ACTR3B: variants seen among roughly 807,000 people sequenced by gnomAD.
The protein encoded by ACTR3B is actin-related protein 3B.
In ACTR3B, 8 loss-of-function variants were observed where a neutral mutation model predicts 59.0. The ratio of observed to expected loss-of-function variants is 0.14; its 90% CI spans 0.08 to 0.24. The LOEUF is 0.24. ACTR3B is among the 10% of genes least tolerant of loss of function. ACTR3B has a pLI of 1.00. For missense variants in ACTR3B, 245 were observed against 552.3 expected, an observed-to-expected ratio of 0.44 and a Z score of 5.58; for synonymous variants, 148 against 197.9, an observed-to-expected ratio of 0.75 and a Z score of 2.12.
chr7:152,760,456 C>T (rs914341666), intron 1 of ACTR3B, among the ~76,000 whole-genome samples: 1 of 151,954 alleles, frequency 6.6e-6, no homozygotes, highest in Non-Finnish European at 1.5e-5. Context: ...GGATTCTTTA[C>T]CACCTACTTG....
chr7:152,824,718 G>A lies in ACTR3B; in HGVS notation c.859-312G>A, dbSNP rs1802795142. 1.3e-5 allele frequency among the ~76,000 whole-genome samples: 2 copies of A among 152,040 alleles called. No individual in the cohort carries two copies. Among genetic ancestry groups the A allele is most frequent in the Admixed American group, 1.3e-4 (2 of 15,278 alleles). On this transcript the variant is annotated intron_variant, in intron 8 of 11. Transcript: ENST00000256001. This position sits in a 1 kb window ranked among gnomAD's most constrained non-coding sequence, Gnocchi z 4.2. The stretch of plus-strand genomic sequence containing the variant: ...TCTCACTGCGTGTCACATAGATCGT[G>A]CACATACTCTCCACTGCTCTTAGTA...
At chr7:152,760,492 A>T (rs1446637743) in intron 1 of ACTR3B, among the ~76,000 whole-genome samples, 1 of 152,050 alleles carries the variant, frequency 6.6e-6, no homozygotes, top group African/African-American at 2.4e-5. Context: ...CGATCTCCCA[A>T]CTTGATACCA....
intron 10 of ACTR3B, among the ~76,000 whole-genome samples, chr7:152,852,758 C>T (rs1019516246): frequency 6.6e-6 from 1 of 152,092 alleles, no homozygotes; most frequent in African/African-American, 2.4e-5. Flanking sequence ...AGAGATCCCA[C>T]GAGTCCACTG....
At chr7:152,853,728 T>G in intron 11 of ACTR3B, 151 bp downstream of exon 11, 3 of 698,514 alleles carry the variant, frequency 4.3e-6, no homozygotes, top group Non-Finnish European at 6.9e-6. Flanking sequence ...ATCTTTTTTG[T>G]TTTTTCGAGA....
At chr7:152,827,063 C>T (rs572326319) in intron 9 of ACTR3B, among the ~76,000 whole-genome samples, 4,891 of 149,322 alleles carry the variant, frequency 0.033, 82 homozygotes, top group Middle Eastern at 0.1. Flanking sequence ...CTCACTGCAG[C>T]CTCGACCTCT....
At position 152,759,878 on chromosome 7, in the gene ACTR3B, C is replaced by A; in HGVS notation, c.-5C>A. ...CGGCGGGGCCGAGCGCCGCGCGTCC[C>A]GAGCATGGCAGGCTCCCTGCCTCCC... On this transcript the variant is annotated 5_prime_UTR_variant, in exon 1 of 12. Transcript: ENST00000256001. 2 of 1,335,538 alleles carry A rather than the reference C, an allele frequency of 1.5e-6. No homozygotes were observed. The highest frequency in any genetic ancestry group is 1.9e-6 in the Non-Finnish European group (2 of 1,033,996). 82.7% of individuals were successfully genotyped at this position (1,335,538 alleles called of 1,614,324 possible). A position where few individuals can be genotyped will look rare whatever the true frequency, so the allele number is the denominator to read the frequency against.
chr7:152,782,336 G>A (rs1359019049), intron 1 of ACTR3B, among the ~76,000 whole-genome samples: 1 of 151,670 alleles, frequency 6.6e-6, no homozygotes, highest in East Asian at 1.9e-4. Flanking sequence ...GAAAGGAAGC[G>A]CTGATGAGTC....
intron 9 of ACTR3B, among the ~76,000 whole-genome samples, chr7:152,828,834 A>G (rs1313929130): frequency 6.6e-6 from 1 of 152,034 alleles, no homozygotes; most frequent in African/African-American, 2.4e-5. Context: ...TGCTAGCCAC[A>G]TAGACCAACA....
At chr7:152,844,778 T>C (rs1169892400) in intron 9 of ACTR3B, among the ~76,000 whole-genome samples, 1 of 145,612 alleles carries the variant, frequency 6.9e-6, no homozygotes, top group East Asian at 2.1e-4. Context: ...AGAGCCCATG[T>C]ATGTCTTAAG....
Position 152,854,802 on chromosome 7 carries a change from C to T in ACTR3B, c.*249C>T, listed in dbSNP as rs369090329. 1.4e-5 allele frequency: 6 copies of T among 437,452 alleles called. No homozygotes were observed. The highest frequency in any genetic ancestry group is 7.8e-5 in the South Asian group (2 of 25,790). The allele number at this position is 437,452 out of a possible 1,614,324, so 27.1% of individuals were successfully genotyped here. The stretch of plus-strand genomic sequence containing the variant: ...CTCGCTCTCCCTCCTCCTCCTCCTC[C>T]GAGCTGCTAGCTGACAAATACAATT... On this transcript the variant is annotated 3_prime_UTR_variant, in exon 12 of 12. Coordinates refer to ENST00000256001, the MANE Select transcript of ACTR3B (RefSeq NM_020445.6). This position sits in a 1 kb window ranked among gnomAD's most constrained non-coding sequence, Gnocchi z 4.9.
At chr7:152,777,551 TTGA>T (rs1217501822) in intron 1 of ACTR3B, among the ~76,000 whole-genome samples, 1 of 152,238 alleles carries the variant, frequency 6.6e-6, no homozygotes, top group Non-Finnish European at 1.5e-5. Flanking sequence ...AGGGTAGTTG[TTGA>T]TTTCTGTCTA....
intron 9 of ACTR3B, among the ~76,000 whole-genome samples, chr7:152,828,447 C>T (rs553504797): frequency 3.9e-5 from 6 of 152,282 alleles, no homozygotes; most frequent in South Asian, 4.1e-4. Flanking sequence ...CGCTCCTGCT[C>T]GGTGCACTCC....
In ACTR3B at chr7:152,823,529, T is replaced by C; in HGVS notation, c.858+14T>C. The C allele has an allele frequency of 1.2e-6, 2 of 1,613,258 alleles. No homozygotes were observed. The highest frequency in any genetic ancestry group is 2.7e-5 in the African/African-American group (2 of 75,002). ...TTTCACCCGGAGGTGAGATGTTTCC[T>C]TTTTTGTGTGCTCAAGTGTGGGATG... On this transcript the variant is annotated intron_variant, in intron 8 of 11. Coordinates refer to ENST00000256001, the MANE Select transcript of ACTR3B (RefSeq NM_020445.6).
Position 152,824,956 on chromosome 7 carries a change from C to G in ACTR3B, c.859-74C>G. The G allele has an allele frequency of 2.1e-6, 3 of 1,460,406 alleles. No homozygotes were observed. Among genetic ancestry groups the G allele is most frequent in the Non-Finnish European group, 2.8e-6 (3 of 1,072,464 alleles). 90.5% of individuals were successfully genotyped at this position (1,460,406 alleles called of 1,614,324 possible). A position where few individuals can be genotyped will look rare whatever the true frequency, so the allele number is the denominator to read the frequency against. ...ATAAATTGTATATTTGTTAAAGTTA[C>G]TTTAAAGAAGTGTGCATGTTGTTCT... On this transcript the variant is annotated intron_variant, in intron 8 of 11. Coordinates refer to ENST00000256001, the MANE Select transcript of ACTR3B (RefSeq NM_020445.6). The surrounding 1 kb of genome is among the most constrained non-coding windows in gnomAD (Gnocchi z 4.2).
chr7:152,828,819 AG>A (rs1356178438), intron 9 of ACTR3B, among the ~76,000 whole-genome samples: 4 of 152,038 alleles, frequency 2.6e-5, no homozygotes, highest in Non-Finnish European at 5.9e-5. Flanking sequence ...TCATTTGGTC[AG>A]CTGTGCTAGC....
intron 1 of ACTR3B, among the ~76,000 whole-genome samples, chr7:152,765,101 C>T (rs1047218548): frequency 5.1e-5 from 7 of 138,590 alleles, no homozygotes; most frequent in African/African-American, 1.9e-4. Flanking sequence ...CTGGGTCTTA[C>T]CCTGGCCCTT....
intron 6 of ACTR3B, chr7:152,816,993 G>C (rs559342508): frequency 8.2e-6 from 2 of 243,598 alleles, no homozygotes; most frequent in East Asian, 2.5e-4. Flanking sequence ...GAATTTGTAG[G>C]TGCAGTGCGT....
chr7:152,822,741 C>G (rs958892974), intron 7 of ACTR3B, among the ~76,000 whole-genome samples: 9 of 152,182 alleles, frequency 5.9e-5, no homozygotes, highest in African/African-American at 1.9e-4. Flanking sequence ...CTTAGAATAC[C>G]CAGTCAACAA....
chr7:152,814,306 A>G (rs532740244), intron 4 of ACTR3B: 10 of 421,550 alleles, frequency 2.4e-5, no homozygotes, highest in African/African-American at 1.9e-4. Flanking sequence ...TTTTTCTGTA[A>G]CTTGTTCTAA....
Sources: gnomAD v4.1 joint callset for allele counts (sites outside exome capture counted in the v4.1 genomes callset) on GRCh38, gnomAD v4.1.1 for gene constraint, Gnocchi (gnomAD v3.1) non-coding constraint, MANE v1.5 for transcripts, NCBI Gene and HGNC (gene_info 2026-07-23, HGNC 2026-07-21) for gene names.